The following LCLAT1 variants were observed in gnomAD, a reference collection of about 807,000 sequenced individuals.
The protein encoded by LCLAT1 is lysocardiolipin acyltransferase 1.
Under a neutral mutation model 30.7 loss-of-function variants are expected in LCLAT1, and 11 were observed. That is an observed-to-expected ratio of 0.36 (90% CI 0.23 to 0.59). LCLAT1 has a LOEUF of 0.59. Among genes scored for constraint, LCLAT1 ranks in the 20% least tolerant of loss-of-function variants. The pLI is 0.77. For missense variants in LCLAT1, 402 were observed against 458.6 expected (o/e 0.88, Z 1.13); for synonymous variants, 155 against 151.3 (o/e 1.02, Z -0.18).
chr2:30,510,577 T>G (rs1684893276), intron 1 of LCLAT1, among the ~76,000 whole-genome samples: 1 of 152,246 alleles, frequency 6.6e-6, no homozygotes, highest in East Asian at 1.9e-4. Context: ...TCATCCATTA[T>G]CTTTGCTATT....
At chr2:30,551,442 C>T (rs984334538) in intron 3 of LCLAT1, among the ~76,000 whole-genome samples, 2 of 152,202 alleles carry the variant, frequency 1.3e-5, no homozygotes, top group African/African-American at 4.8e-5. Flanking sequence ...CTAGACTCAG[C>T]ATTTCGCTAA....
At chr2:30,521,670 C>T (rs189632437) in intron 1 of LCLAT1, among the ~76,000 whole-genome samples, 7 of 151,878 alleles carry the variant, frequency 4.6e-5, no homozygotes, top group Admixed American at 4.6e-4. Context: ...CCATGCCCAG[C>T]TAATTTTTGT....
chr2:30,508,112 T>C (rs1370076076), intron 1 of LCLAT1, among the ~76,000 whole-genome samples: 2 of 152,190 alleles, frequency 1.3e-5, no homozygotes, highest in Non-Finnish European at 2.9e-5. Context: ...TGTCTGTTCA[T>C]GTCTTTTGCG....
intron 1 of LCLAT1, among the ~76,000 whole-genome samples, chr2:30,478,856 A>G (rs711241): frequency 0.096 from 14,553 of 152,248 alleles, 745 homozygotes; most frequent in East Asian, 0.13. Flanking sequence ...TAAGATCTTT[A>G]GGTTAAGATT....
intron 3 of LCLAT1, among the ~76,000 whole-genome samples, chr2:30,549,451 AT>A (rs1186285383): frequency 6.6e-5 from 10 of 152,224 alleles, no homozygotes; most frequent in Non-Finnish European, 1.5e-4. Context: ...TCTAAAAGAT[AT>A]GCTTTTATAA....
chr2:30,502,445 C>A (rs773540760), intron 1 of LCLAT1, among the ~76,000 whole-genome samples: 13 of 152,150 alleles, frequency 8.5e-5, no homozygotes, highest in Admixed American at 3.9e-4. Context: ...GTTCACAGAG[C>A]TGTGCAACCA....
chr2:30,594,949 T>C (rs1352197903), intron 5 of LCLAT1, among the ~76,000 whole-genome samples: 3 of 152,226 alleles, frequency 2.0e-5, no homozygotes, highest in African/African-American at 7.2e-5. Context: ...GCCTAAAGCC[T>C]ATCCCATTCA....
chr2:30,610,488 G>C (rs944794896), intron 5 of LCLAT1, among the ~76,000 whole-genome samples: 16 of 152,206 alleles, frequency 1.1e-4, no homozygotes, highest in Non-Finnish European at 2.9e-5. Context: ...AGGTCTGGTG[G>C]AAATTGTTTT....
intron 5 of LCLAT1, among the ~76,000 whole-genome samples, chr2:30,619,869 T>C (rs2148515046): frequency 6.6e-6 from 1 of 152,248 alleles, no homozygotes; most frequent in African/African-American, 2.4e-5. Flanking sequence ...ATCTCCCAGG[T>C]TCCAAAGTGG....
At chr2:30,545,427 A>G (rs1372375559) in intron 3 of LCLAT1, among the ~76,000 whole-genome samples, 2 of 152,158 alleles carry the variant, frequency 1.3e-5, no homozygotes, top group African/African-American at 4.8e-5. Context: ...TGTGCAACTG[A>G]CTAAAGGAAA....
chr2:30,559,075 G>A (rs1314772726), intron 3 of LCLAT1, among the ~76,000 whole-genome samples: 1 of 152,164 alleles, frequency 6.6e-6, no homozygotes, highest in East Asian at 1.9e-4. Flanking sequence ...GAATCTCATA[G>A]ACGAAATATT....
At chr2:30,528,882 G>A (rs1685861254) in intron 2 of LCLAT1, among the ~76,000 whole-genome samples, 2 of 152,112 alleles carry the variant, frequency 1.3e-5, no homozygotes, top group South Asian at 4.1e-4. Flanking sequence ...ATTCCTTATA[G>A]CTAGGTTACA....
At chr2:30,475,857 C>T (rs573113544) in intron 1 of LCLAT1, among the ~76,000 whole-genome samples, 264 of 152,240 alleles carry the variant, frequency 1.7e-3, no homozygotes, top group Middle Eastern at 3.4e-3. Context: ...TTCCTTTATG[C>T]TTTGTTGAGA....
intron 1 of LCLAT1, among the ~76,000 whole-genome samples, chr2:30,524,789 G>A (rs532687950): frequency 2.7e-4 from 41 of 151,958 alleles, no homozygotes; most frequent in African/African-American, 8.2e-4. Context: ...CTCTCACCAC[G>A]CCTAATTTGT....
At chr2:30,541,839 T>TA (rs1664153326) in intron 3 of LCLAT1, among the ~76,000 whole-genome samples, 1 of 95,702 alleles carries the variant, frequency 1.0e-5, no homozygotes. Flanking sequence ...TTACCAGTAG[T>TA]GTAAGAGAGA....
intron 5 of LCLAT1, among the ~76,000 whole-genome samples, chr2:30,585,711 C>T (rs1666404412): frequency 6.6e-6 from 1 of 152,106 alleles, no homozygotes; most frequent in South Asian, 2.1e-4. Context: ...CTCTGTGGTC[C>T]ATTGTTTAAA....
intron 3 of LCLAT1, among the ~76,000 whole-genome samples, chr2:30,560,933 C>T (rs1359644987): frequency 6.6e-6 from 1 of 152,020 alleles, no homozygotes; most frequent in Non-Finnish European, 1.5e-5. Flanking sequence ...GCCCTTCACT[C>T]TCATATGCTT....
chr2:30,540,567 C>T (rs1273635503), intron 3 of LCLAT1, among the ~76,000 whole-genome samples: 1 of 152,102 alleles, frequency 6.6e-6, no homozygotes, highest in Non-Finnish European at 1.5e-5. Context: ...TCATTACACT[C>T]TCAAAAACAT....
At chr2:30,501,106 G>A (rs1335722676) in intron 1 of LCLAT1, among the ~76,000 whole-genome samples, 1 of 151,848 alleles carries the variant, frequency 6.6e-6, no homozygotes, top group Non-Finnish European at 1.5e-5. Context: ...GTATGTGTGT[G>A]TGTGTGTGTG....
Sources: allele counts gnomAD v4.1 joint callset (sites outside exome capture counted in the v4.1 genomes callset), GRCh38; gene constraint gnomAD v4.1.1; transcripts MANE v1.5; gene names NCBI Gene and HGNC (gene_info 2026-07-23, HGNC 2026-07-21).